Variants in STIL observed in about 807,000 individuals in gnomAD.
STIL encodes STIL centriolar assembly protein, also known as SCL-interrupting locus protein.
Under a neutral mutation model 110.1 loss-of-function variants are expected in STIL, and 55 were observed. That is an observed-to-expected ratio of 0.50 (90% CI 0.40 to 0.63). The LOEUF is 0.63. Ranked by LOEUF, STIL falls within the 20% of genes least tolerant of loss-of-function variation. The pLI is 0.00. For synonymous variants in STIL, 481 were observed against 530.0 expected (o/e 0.91, Z 1.27); for missense variants, 1,358 against 1,530.0 (o/e 0.89, Z 1.87).
At chr1:47,259,851 C>T (rs1644434024) in intron 16 of STIL, among the ~76,000 whole-genome samples, 1 of 152,156 alleles carries the variant, frequency 6.6e-6, no homozygotes, top group African/African-American at 2.4e-5. Flanking sequence ...CAGTTGGGCA[C>T]ATTCCCAGAA....
At chr1:47,295,216 C>T (rs113400947) in intron 7 of STIL, among the ~76,000 whole-genome samples, 8 of 152,124 alleles carry the variant, frequency 5.3e-5, no homozygotes, top group African/African-American at 1.4e-4. Flanking sequence ...GGATTACAGG[C>T]GTGAGCCACT....
intron 6 of STIL, among the ~76,000 whole-genome samples, chr1:47,297,352 A>T (rs902217733): frequency 5.9e-5 from 9 of 151,770 alleles, no homozygotes; most frequent in African/African-American, 2.2e-4. Flanking sequence ...TCAAAAAAAA[A>T]AAAAGAATTA....
Position 47,260,347 on chromosome 1 carries a change from C to T in STIL, c.3022G>A (p.Val1008Ile), listed in dbSNP as rs1326154876. Residue 1008 changes from valine to isoleucine, a missense_variant, in exon 16 of 17, where the codon GTA (valine) becomes ATA (isoleucine). Physicochemically the swap from Val to Ile is conservative, Grantham distance 29. Transcript: ENST00000371877. ...ATLKQLRSLGVKIDSPTKVKK... is the reference protein window; with the variant it reads ...ATLKQLRSLGIKIDSPTKVKK... Reference sequence around the variant, plus strand: ...ACTTTAGTGGGAGAATCAATTTTTACTCCAAGGCTTCTTAGTTGCTTAAGA... The same window carrying T: ...ACTTTAGTGGGAGAATCAATTTTTATTCCAAGGCTTCTTAGTTGCTTAAGA... The T allele has an allele frequency of 1.2e-6, 2 of 1,614,120 alleles. No individual in the cohort carries two copies. The highest frequency in any genetic ancestry group is 2.2e-5 in the East Asian group (1 of 44,876).
chr1:47,271,189 C>G (rs1456194251), intron 13 of STIL, among the ~76,000 whole-genome samples: 1 of 152,004 alleles, frequency 6.6e-6, no homozygotes, highest in African/African-American at 2.4e-5. Flanking sequence ...GTATAACACC[C>G]TAAATCATCT....
At chr1:47,273,059 T>TA (rs1258171578) in intron 12 of STIL, among the ~76,000 whole-genome samples, 1 of 152,182 alleles carries the variant, frequency 6.6e-6, no homozygotes, top group Non-Finnish European at 1.5e-5. Flanking sequence ...CTCTGAAGAC[T>TA]ATATTACAAT....
chr1:47,274,897 A>C (rs1166754788), intron 12 of STIL, among the ~76,000 whole-genome samples: 1 of 151,968 alleles, frequency 6.6e-6, no homozygotes, highest in African/African-American at 2.4e-5. Flanking sequence ...CACACCTGAA[A>C]TCCCAGCACT....
intron 4 of STIL, 74 bp downstream of exon 4, chr1:47,302,160 A>G: frequency 9.3e-7 from 1 of 1,072,364 alleles, no homozygotes; most frequent in Non-Finnish European, 1.4e-6. Context: ...GGTTCAAGTG[A>G]TCCTCCCACT....
chr1:47,255,342 C>T (rs1644298560), intron 16 of STIL, among the ~76,000 whole-genome samples: 1 of 152,000 alleles, frequency 6.6e-6, no homozygotes, highest in Non-Finnish European at 1.5e-5. Flanking sequence ...TTATGGGAAG[C>T]TCTAAAATTA....
At chr1:47,312,253 G>T (rs959830948) in intron 1 of STIL, among the ~76,000 whole-genome samples, 10 of 152,236 alleles carry the variant, frequency 6.6e-5, no homozygotes, top group Admixed American at 1.3e-4. Context: ...CACTTTGGGA[G>T]GCCGAGGTGG....
intron 16 of STIL, among the ~76,000 whole-genome samples, chr1:47,258,646 A>G (rs922754913): frequency 3.3e-5 from 5 of 152,180 alleles, no homozygotes; most frequent in Non-Finnish European, 7.3e-5. Context: ...AGGTGGGAAG[A>G]TTGCTTGAGT....
At chr1:47,282,324 G>T in intron 11 of STIL, 21 bp downstream of exon 11, 1 of 1,494,654 alleles carries the variant, frequency 6.7e-7, no homozygotes. Flanking sequence ...AAAAGTGAAT[G>T]CATTTTAAAA....
intron 11 of STIL, among the ~76,000 whole-genome samples, chr1:47,281,631 C>T (rs1310983437): frequency 6.6e-6 from 1 of 152,040 alleles, no homozygotes; most frequent in Non-Finnish European, 1.5e-5. Flanking sequence ...ATAGTAAAAT[C>T]TTCCAATAAA....
In STIL at chr1:47,251,174, C is replaced by T; in HGVS notation, c.3829G>A (p.Asp1277Asn). Residue 1277 changes from aspartate (D) to asparagine (N), a missense_variant, in exon 17 of 17, where the codon GAT becomes AAT. By Grantham distance (23) the Asp-to-Asn change is conservative (BLOSUM62 1). Coordinates refer to ENST00000371877, the MANE Select transcript of STIL (RefSeq NM_001048166.1). ...GGTAACTGTCTGAGACGTTTTACAT[C>T]TAAGAAGGTGCCTACTGAATTCATG... ...NSMNSVGTFL[D>N]VKRLRQLPKL... 1 of 1,613,586 alleles carries T rather than the reference C, an allele frequency of 6.2e-7. No individual in the cohort carries two copies. Among genetic ancestry groups the T allele is most frequent in the Non-Finnish European group, 8.5e-7 (1 of 1,179,902 alleles).
At chr1:47,312,652 G>A (rs1215170562) in intron 1 of STIL, among the ~76,000 whole-genome samples, 1 of 152,170 alleles carries the variant, frequency 6.6e-6, no homozygotes, top group Admixed American at 6.5e-5. Context: ...TTAAACAGAA[G>A]TGTCTTAAAA....
intron 10 of STIL, among the ~76,000 whole-genome samples, chr1:47,285,251 C>T (rs544785265): frequency 1.2e-4 from 18 of 152,066 alleles, no homozygotes; most frequent in African/African-American, 4.3e-4. Flanking sequence ...AGGCTGGTCT[C>T]GAACTCCTGA....
At chr1:47,311,572 C>T (rs1420412899) in intron 1 of STIL, among the ~76,000 whole-genome samples, 1 of 152,190 alleles carries the variant, frequency 6.6e-6, no homozygotes, top group East Asian at 1.9e-4. Flanking sequence ...CAGGCATGAG[C>T]CACCATGCCC....
At chr1:47,307,253 T>C (rs1021661757) in intron 2 of STIL, among the ~76,000 whole-genome samples, 1 of 152,114 alleles carries the variant, frequency 6.6e-6, no homozygotes, top group African/African-American at 2.4e-5. Flanking sequence ...TCAGTTGAGG[T>C]TGCAGTGAGC....
chr1:47,312,685 T>C (rs1646170296), intron 1 of STIL, among the ~76,000 whole-genome samples: 1 of 152,246 alleles, frequency 6.6e-6, no homozygotes, highest in East Asian at 1.9e-4. Context: ...GTTTTATTCC[T>C]TTATTCATTT....
At chr1:47,278,167 C>G (rs1645043714) in intron 12 of STIL, among the ~76,000 whole-genome samples, 1 of 152,114 alleles carries the variant, frequency 6.6e-6, no homozygotes, top group Non-Finnish European at 1.5e-5. Flanking sequence ...TAGTAAGATG[C>G]AAATATAGGA....
Sources: gnomAD v4.1 joint callset for allele counts (sites outside exome capture counted in the v4.1 genomes callset) on GRCh38, gnomAD v4.1.1 for gene constraint, MANE v1.5 for transcripts, NCBI Gene and HGNC (gene_info 2026-07-23, HGNC 2026-07-21) for gene names.